PTPRK: variants seen among roughly 807,000 people sequenced by gnomAD.
PTPRK encodes the protein protein tyrosine phosphatase receptor type K.
PTPRK carries 75 observed loss-of-function variants against 178.0 expected under a neutral mutation model. That is an observed-to-expected ratio of 0.42 (90% CI 0.35 to 0.51). PTPRK has a LOEUF of 0.51. PTPRK is among the 20% of genes least tolerant of loss of function. The pLI, the probability that PTPRK is intolerant of heterozygous loss-of-function variation, is 0.02. For missense variants in PTPRK, 1,441 were observed against 1,797.8 expected, an observed-to-expected ratio of 0.80 and a Z score of 3.59; for synonymous variants, 637 against 620.6, an observed-to-expected ratio of 1.03 and a Z score of -0.39.
chr6:128,385,349 A>G (rs1454755079), intron 2 of PTPRK, among the ~76,000 whole-genome samples: 1 of 152,096 alleles, frequency 6.6e-6, no homozygotes, highest in African/African-American at 2.4e-5. Context: ...AAATAATTAA[A>G]TTTGTTTGGT....
At chr6:128,044,046 C>T (rs571582713) in intron 13 of PTPRK, among the ~76,000 whole-genome samples, 45 of 152,030 alleles carry the variant, frequency 3.0e-4, no homozygotes, top group Admixed American at 2.3e-3. Flanking sequence ...TTTGATAATT[C>T]TATTTTCTAA....
chr6:128,247,209 A>G (rs1307770351), intron 3 of PTPRK, among the ~76,000 whole-genome samples: 1 of 152,208 alleles, frequency 6.6e-6, no homozygotes, highest in Non-Finnish European at 1.5e-5. Context: ...GTAATACAAG[A>G]TATTACAGAT....
At position 128,082,233 on chromosome 6, in the gene PTPRK, A is replaced by G. The variant is rs141751097; in HGVS notation, c.1777+204T>C. ...ATTTTTTTAAGACCACTGTCAATCA[A>G]AAGTGACTATTTCAGATGTGTTTTG... On this transcript the variant is annotated intron_variant, in intron 10 of 29. Coordinates refer to ENST00000368226, the MANE Select transcript of PTPRK (RefSeq NM_002844.4). Among the ~76,000 whole-genome samples, 1,036 of 152,280 alleles carry G rather than the reference A, an allele frequency of 6.8e-3. 8 individuals are homozygous for G. Among genetic ancestry groups the G allele is most frequent in the African/African-American group, 0.024 (984 of 41,568 alleles).
At chr6:128,391,349 C>CA (rs1369373964) in intron 2 of PTPRK, among the ~76,000 whole-genome samples, 1 of 152,100 alleles carries the variant, frequency 6.6e-6, no homozygotes. Flanking sequence ...CACATGTTCA[C>CA]ACACACTCTC....
chr6:128,026,270 C>T lies in PTPRK; in HGVS notation c.2195-17002G>A, dbSNP rs113943652. 9.4e-3 allele frequency among the ~76,000 whole-genome samples: 1,431 copies of T among 152,304 alleles called. 24 individuals carry two copies. Among genetic ancestry groups the T allele is most frequent in the African/African-American group, 0.033 (1,366 of 41,564 alleles). On this transcript the variant is annotated intron_variant, in intron 13 of 29. Coordinates refer to ENST00000368226, the MANE Select transcript of PTPRK (RefSeq NM_002844.4). ...AGAACCTCTTACAATTCTCTACTCA[C>T]TCATGTAAATACTAGCTGCAGAAGG... is the stretch of plus-strand genomic sequence containing the variant.
intron 1 of PTPRK, among the ~76,000 whole-genome samples, chr6:128,440,734 A>G (rs552209374): frequency 2.6e-5 from 4 of 152,258 alleles, no homozygotes; most frequent in African/African-American, 9.6e-5. Context: ...TTTCCATATC[A>G]GTATATAAAG....
intron 2 of PTPRK, among the ~76,000 whole-genome samples, chr6:128,357,392 A>G (rs1334463344): frequency 6.6e-6 from 1 of 152,204 alleles, no homozygotes; most frequent in African/African-American, 2.4e-5. Flanking sequence ...CAGACCTCTG[A>G]TTACCAACTG....
intron 9 of PTPRK, among the ~76,000 whole-genome samples, chr6:128,083,353 T>C (rs769739340): frequency 1.6e-4 from 25 of 151,726 alleles, no homozygotes; most frequent in Non-Finnish European, 3.1e-4. Flanking sequence ...TGGCTTCTCC[T>C]AAATCACAGT....
In PTPRK at chr6:128,520,381, A is replaced by T. The variant is rs536151314; in HGVS notation, c.-23T>A. On this transcript the variant is annotated 5_prime_UTR_variant, in exon 1 of 30. The change creates a new upstream start codon in the 5' untranslated region. Transcript: ENST00000368226. The stretch of plus-strand genomic sequence containing the variant: ...CATGCCGAGTTTGGGAGAAGTTTCA[A>T]GCAGCTTTGCAAAGAGCTGCCGGGG... 10 of 1,587,122 alleles carry T rather than the reference A, an allele frequency of 6.3e-6. No homozygotes were observed. The East Asian group carries it at 1.8e-4, about 29-fold the overall frequency.
chr6:128,225,656 T>C (rs907459842), intron 5 of PTPRK, among the ~76,000 whole-genome samples: 2 of 152,148 alleles, frequency 1.3e-5, no homozygotes, highest in Non-Finnish European at 2.9e-5. Context: ...CACAGAAAAC[T>C]TAAATTTAGA....
chr6:128,396,572 A>G (rs923332213), intron 2 of PTPRK, among the ~76,000 whole-genome samples: 1 of 152,086 alleles, frequency 6.6e-6, no homozygotes, highest in Non-Finnish European at 1.5e-5. Context: ...ATTGTATGAA[A>G]TGGTATGTAA....
At position 127,973,033 on chromosome 6, in the gene PTPRK, C is replaced by A. The variant is rs767719211; in HGVS notation, c.4258G>T (p.Val1420Leu). The part of the protein sequence containing the change: ...KTLRNSKPNM[V>L]EAPEQYRFCY... ...ATTCTGTGACTCACCGGGGCTTCCA[C>A]CATGTTTGGCTTGCTGTTCCTCAGT... is the stretch of plus-strand genomic sequence containing the variant. The change falls in exon 29 of 30, where the codon GTG becomes TTG. Residue 1420 changes from valine (V) to leucine (L), a missense_variant. Transcript: ENST00000368226. 6.2e-7 allele frequency: 1 copy of A among 1,613,998 alleles called. No individual in the cohort carries two copies. Among genetic ancestry groups the A allele is most frequent in the African/African-American group, 1.3e-5 (1 of 75,018 alleles).
chr6:128,365,590 C>T (rs545400265), intron 2 of PTPRK, among the ~76,000 whole-genome samples: 4 of 152,176 alleles, frequency 2.6e-5, no homozygotes, highest in African/African-American at 9.6e-5. Flanking sequence ...GTTCCTCAAT[C>T]GTAAATGCCC....
Position 128,439,789 on chromosome 6 carries a change from G to A in PTPRK, c.101-42101C>T, listed in dbSNP as rs144870185. Among the ~76,000 whole-genome samples, 1,033 of 152,222 alleles carry A rather than the reference G, an allele frequency of 6.8e-3. 6 individuals are homozygous for A. The highest frequency in any genetic ancestry group is 0.017 in the Middle Eastern group (5 of 294). ...CAGAGTAAATAATTAAATATATTTG[G>A]TCTGTAATGGACCTCAACCATGTGC... On this transcript the variant is annotated intron_variant, in intron 1 of 29. Coordinates refer to ENST00000368226, the MANE Select transcript of PTPRK (RefSeq NM_002844.4).
chr6:128,005,133 T>C lies in PTPRK; in HGVS notation c.2445A>G (p.Glu815=). 6.2e-7 allele frequency: 1 copy of C among 1,611,264 alleles called. No homozygotes were observed. Among genetic ancestry groups the C allele is most frequent in the Non-Finnish European group, 8.5e-7 (1 of 1,178,326 alleles). ...SYADQSTLHA[E]DPLSITFMDQ... is the part of the protein sequence containing the mutation. ...CCATGAAGGTGATGGAAAGAGGATC[T>C]TCTGCATGCAGAGTGCTCTGATCAG... Residue 815 remains glutamate, a synonymous_variant, in exon 15 of 30, where the codon GAA becomes GAG. Transcript: ENST00000368226.
chr6:128,226,737 T>C (rs1811362787), intron 5 of PTPRK, among the ~76,000 whole-genome samples: 1 of 143,202 alleles, frequency 7.0e-6, no homozygotes, highest in African/African-American at 2.6e-5. Context: ...AATCCTACTA[T>C]ATGTAATCTT....
chr6:128,010,585 A>T (rs1778944387), intron 13 of PTPRK, among the ~76,000 whole-genome samples: 1 of 151,312 alleles, frequency 6.6e-6, no homozygotes, highest in Non-Finnish European at 1.5e-5. Context: ...TGTTGAGGTT[A>T]ACTATTAATT....
intron 15 of PTPRK, among the ~76,000 whole-genome samples, chr6:128,004,740 T>C (rs1259508791): frequency 6.6e-6 from 1 of 151,736 alleles, no homozygotes; most frequent in Non-Finnish European, 1.5e-5. Context: ...AAGATGCAAA[T>C]GGAAAAAGAA....
At chr6:128,229,611 G>A (rs897167994) in intron 5 of PTPRK, among the ~76,000 whole-genome samples, 1 of 152,102 alleles carries the variant, frequency 6.6e-6, no homozygotes, top group African/African-American at 2.4e-5. Context: ...ACAGTACCAG[G>A]TAGCAAGGAA....
Sources: allele counts gnomAD v4.1 joint callset (sites outside exome capture counted in the v4.1 genomes callset), GRCh38; gene constraint gnomAD v4.1.1; transcripts MANE v1.5; gene names NCBI Gene and HGNC (gene_info 2026-07-23, HGNC 2026-07-21).